Variants in PCGF5 observed in about 807,000 individuals in gnomAD.
PCGF5 encodes the protein polycomb group ring finger 5, also known as polycomb group RING finger protein 5.
Under a neutral mutation model 44.3 loss-of-function variants are expected in PCGF5, and 9 were observed. The observed-to-expected ratio is 0.20, with a 90% CI of 0.12 to 0.35. The LOEUF is 0.35. Among genes scored for constraint, PCGF5 ranks in the 10% least tolerant of loss-of-function variants. The pLI, the probability that PCGF5 is intolerant of heterozygous loss-of-function variation, is 1.00. For missense variants in PCGF5, 146 were observed against 305.3 expected (o/e 0.48, Z 3.89); for synonymous variants, 95 against 102.5 (o/e 0.93, Z 0.44).
In PCGF5 at chr10:91,278,250, ATC is replaced by A; in HGVS notation, c.724-17_724-16del. ...TTATCCAAATACAGTCTTATTTATT[ATC>A]TGTCTTTATTTTGTAGTCATACCCT... On this transcript the variant is annotated splice_polypyrimidine_tract_variant and intron_variant, in intron 9 of 9. Coordinates refer to ENST00000336126, the MANE Select transcript of PCGF5 (RefSeq NM_032373.5). 6.3e-7 allele frequency: 1 copy of A among 1,579,504 alleles called. No individual in the cohort carries two copies. Among genetic ancestry groups the A allele is most frequent in the Non-Finnish European group, 8.7e-7 (1 of 1,148,872 alleles).
intron 5 of PCGF5, among the ~76,000 whole-genome samples, chr10:91,250,733 T>C (rs1388604131): frequency 6.6e-6 from 1 of 151,864 alleles, no homozygotes; most frequent in Non-Finnish European, 1.5e-5. Context: ...CATTGAGATA[T>C]CTTTAATGGA....
At chr10:91,200,617 T>G (rs996215116) in intron 1 of PCGF5, among the ~76,000 whole-genome samples, 1 of 152,070 alleles carries the variant, frequency 6.6e-6, no homozygotes. Context: ...AGATATTGAG[T>G]CTTGAACACA....
At chr10:91,156,327 G>A in the PCGF5 span, among the ~76,000 whole-genome samples, 1 of 152,210 alleles carries the variant, frequency 6.6e-6, no homozygotes, top group Non-Finnish European at 1.5e-5. Flanking sequence ...TCAGCAGGCA[G>A]AAGATGGTTA....
At chr10:91,191,000 A>G (rs1226232300) in intron 1 of PCGF5, among the ~76,000 whole-genome samples, 3 of 152,320 alleles carry the variant, frequency 2.0e-5, no homozygotes, top group Non-Finnish European at 4.4e-5. Context: ...GGTTTTGTCA[A>G]AATCCTTACG....
chr10:91,227,669 T>A, intron 2 of PCGF5: 1 of 1,072,500 alleles, frequency 9.3e-7, no homozygotes, highest in African/African-American at 1.7e-5. Flanking sequence ...TTATCACTCT[T>A]AACCCACCCT....
At chr10:91,213,745 A>T (rs1589371731) in intron 1 of PCGF5, among the ~76,000 whole-genome samples, 1 of 151,474 alleles carries the variant, frequency 6.6e-6, no homozygotes, top group Admixed American at 6.6e-5. Context: ...TCGGCCTCCC[A>T]AAGTACTGGG....
chr10:91,218,186 T>G (rs1844581084), upstream of PCGF5, among the ~76,000 whole-genome samples: 1 of 152,216 alleles, frequency 6.6e-6, no homozygotes, highest in African/African-American at 2.4e-5. Flanking sequence ...TGTTTTTGTC[T>G]TGGCTCTACC....
In PCGF5 at chr10:91,280,427, T is replaced by A. The variant is rs1042818098; in HGVS notation, c.*2111T>A. The A allele has an allele frequency of 2.0e-5, 3 of 152,416 alleles. No individual in the cohort carries two copies. The highest frequency in any genetic ancestry group is 2.0e-4 in the Admixed American group (3 of 15,276). 9.4% of individuals were successfully genotyped at this position (152,416 alleles called of 1,614,324 possible). On this transcript the variant is annotated 3_prime_UTR_variant, in exon 10 of 10. Coordinates refer to ENST00000336126, the MANE Select transcript of PCGF5 (RefSeq NM_032373.5). ...GGCTGGTTGCCTTGTCATATGTAAT[T>A]TCACTATTTTCCAAGGAAATATATA...
At chr10:91,248,306 G>A (rs1845522864) in intron 3 of PCGF5, among the ~76,000 whole-genome samples, 199 bp from the exon 4 acceptor site, 1 of 152,026 alleles carries the variant, frequency 6.6e-6, no homozygotes, top group African/African-American at 2.4e-5. Context: ...CTGGGGACTG[G>A]GACCATTTTT....
chr10:91,191,350 C>T (rs1207680166), intron 1 of PCGF5, among the ~76,000 whole-genome samples: 1 of 152,090 alleles, frequency 6.6e-6, no homozygotes, highest in Non-Finnish European at 1.5e-5. Flanking sequence ...AATGGTGGCA[C>T]AGACAGCATG....
chr10:91,208,951 A>G (rs549883015), intron 1 of PCGF5, among the ~76,000 whole-genome samples: 2 of 152,284 alleles, frequency 1.3e-5, no homozygotes, highest in African/African-American at 4.8e-5. Context: ...GCTCTACAGG[A>G]GTGTGAGCTT....
intron 2 of PCGF5, among the ~76,000 whole-genome samples, chr10:91,229,193 T>C (rs1414373874): frequency 6.6e-6 from 1 of 152,248 alleles, no homozygotes. Flanking sequence ...CATTAACTTT[T>C]ACATGTGCCA....
upstream of PCGF5, among the ~76,000 whole-genome samples, chr10:91,217,054 CAG>C (rs148052181): frequency 0.036 from 5,352 of 150,286 alleles, 143 homozygotes; most frequent in Non-Finnish European, 0.058. Context: ...TTTTTTGAGA[CAG>C]AGTCTCTCGC....
intron 1 of PCGF5, among the ~76,000 whole-genome samples, chr10:91,176,101 G>T (rs59147432): frequency 0.056 from 8,524 of 152,186 alleles, 723 homozygotes; most frequent in African/African-American, 0.19. Context: ...TGTAGGGCAG[G>T]CCTGGTGGTG....
chr10:91,222,242 G>A (rs186865106), intron 1 of PCGF5, among the ~76,000 whole-genome samples: 1 of 152,298 alleles, frequency 6.6e-6, no homozygotes, highest in Non-Finnish European at 1.5e-5. Flanking sequence ...AAGTAGAGCA[G>A]CCGGGCATGG....
At chr10:91,241,862 C>T (rs570991835) in intron 3 of PCGF5, among the ~76,000 whole-genome samples, 2 of 152,142 alleles carry the variant, frequency 1.3e-5, no homozygotes, top group South Asian at 4.2e-4. Context: ...ATGTCTAGCC[C>T]TGTGGTTTTC....
intron 1 of PCGF5, among the ~76,000 whole-genome samples, chr10:91,197,017 C>A (rs79735338): frequency 5.3e-4 from 80 of 151,890 alleles, no homozygotes; most frequent in East Asian, 3.9e-3. Flanking sequence ...ACAACAACAA[C>A]AAAAAAAACA....
At chr10:91,221,152 C>T (rs1267240117) in intron 1 of PCGF5, among the ~76,000 whole-genome samples, 1 of 152,138 alleles carries the variant, frequency 6.6e-6, no homozygotes, top group Non-Finnish European at 1.5e-5. Context: ...CCCCACAGGG[C>T]TGTACCGCTG....
At position 91,278,402 on chromosome 10, in the gene PCGF5, A is replaced by C. The variant is rs113330131; in HGVS notation, c.*86A>C. On this transcript the variant is annotated 3_prime_UTR_variant, in exon 10 of 10. Transcript: ENST00000336126. ...TTGCACAGTTAACGGTGTGTGGACT[A>C]GAGGAACACAACCAGATTTTCAGCA... 74 of 1,197,294 alleles carry C rather than the reference A, an allele frequency of 6.2e-5. No individual in the cohort carries two copies. In the African/African-American group the frequency reaches 9.2e-4, roughly 15 times the overall value. 74.2% of individuals were successfully genotyped at this position (1,197,294 alleles called of 1,614,324 possible).
Sources: allele counts gnomAD v4.1 joint callset (sites outside exome capture counted in the v4.1 genomes callset), GRCh38; gene constraint gnomAD v4.1.1; transcripts MANE v1.5; gene names NCBI Gene and HGNC (gene_info 2026-07-23, HGNC 2026-07-21).